The following FREM2 variants were observed in gnomAD, a reference collection of about 807,000 sequenced individuals.
FREM2 encodes the protein FRAS1-related extracellular matrix protein 2.
Under a neutral mutation model 219.9 loss-of-function variants are expected in FREM2, and 119 were observed. The observed-to-expected ratio is 0.54, with a 90% CI of 0.47 to 0.63. FREM2 has a LOEUF of 0.63. FREM2 is among the 30% of genes least tolerant of loss of function. The probability of loss-of-function intolerance (pLI) is 0.00; values close to 1 mark genes in which losing one functional copy is unlikely to be tolerated. For synonymous variants in FREM2, 1,562 were observed against 1,522.8 expected (o/e 1.03, Z -0.60); for missense variants, 4,030 against 3,993.6 (o/e 1.01, Z -0.25).
chr13:38,802,592 T>C (rs1184088578), intron 6 of FREM2, among the ~76,000 whole-genome samples: 2 of 152,118 alleles, frequency 1.3e-5, no homozygotes, highest in East Asian at 3.9e-4. Flanking sequence ...TTCCTGGAAG[T>C]ATGTGAAGAT....
intron 8 of FREM2, among the ~76,000 whole-genome samples, chr13:38,849,411 G>A (rs545967833): frequency 7.8e-4 from 118 of 152,214 alleles, no homozygotes; most frequent in Non-Finnish European, 1.2e-3. Flanking sequence ...ACTTTCTGTC[G>A]TCTCCTTCCC....
At chr13:38,734,992 C>A (rs577435023) in intron 2 of FREM2, among the ~76,000 whole-genome samples, 1 of 152,054 alleles carries the variant, frequency 6.6e-6, no homozygotes, top group Non-Finnish European at 1.5e-5. Flanking sequence ...GTGATCCACC[C>A]GCCTTGGCCT....
intron 9 of FREM2, 44 bp from the exon 10 acceptor site, chr13:38,850,900 T>C (rs1229773305): frequency 3.7e-6 from 6 of 1,603,094 alleles, no homozygotes; most frequent in South Asian, 2.2e-5. Context: ...GTTGTAGATA[T>C]ATTCCTATGG....
At chr13:38,828,715 TTAATAA>T (rs67660909) in intron 6 of FREM2, among the ~76,000 whole-genome samples, 16,251 of 151,810 alleles carry the variant, frequency 0.11, 1,588 homozygotes, top group African/African-American at 0.26. Context: ...ACCATGTCTC[TTAATAA>T]TAATAAATTA....
At chr13:38,866,362 G>T (rs1006967136) in intron 16 of FREM2, among the ~76,000 whole-genome samples, 9 of 152,046 alleles carry the variant, frequency 5.9e-5, no homozygotes, top group Non-Finnish European at 7.4e-5. Flanking sequence ...AGCTGGGTGT[G>T]GTGGTGGGCT....
intron 2 of FREM2, among the ~76,000 whole-genome samples, chr13:38,742,279 T>C (rs1872278505): frequency 6.6e-6 from 1 of 152,226 alleles, no homozygotes; most frequent in Non-Finnish European, 1.5e-5. Context: ...TAATGAATAT[T>C]GCTGCTGTAT....
chr13:38,815,671 A>T (rs1000703332), intron 6 of FREM2, among the ~76,000 whole-genome samples: 3 of 152,234 alleles, frequency 2.0e-5, no homozygotes, highest in Admixed American at 6.5e-5. Context: ...GGTACAAAAA[A>T]GCATGGTGCT....
chr13:38,755,275 CT>C (rs1872950900), intron 2 of FREM2, among the ~76,000 whole-genome samples: 1 of 152,104 alleles, frequency 6.6e-6, no homozygotes, highest in African/African-American at 2.4e-5. Context: ...TGCCCAACAT[CT>C]GCACAGCTCT....
At chr13:38,766,955 T>C (rs1367530360) in intron 3 of FREM2, among the ~76,000 whole-genome samples, 1 of 152,232 alleles carries the variant, frequency 6.6e-6, no homozygotes, top group Non-Finnish European at 1.5e-5. Flanking sequence ...CTAATGTTTA[T>C]TGAGTTATTT....
intron 6 of FREM2, among the ~76,000 whole-genome samples, chr13:38,808,603 A>G (rs1442708750): frequency 1.3e-5 from 2 of 151,870 alleles, no homozygotes; most frequent in Non-Finnish European, 2.9e-5. Flanking sequence ...AGGGAGACTA[A>G]TGGGAGAACA....
At chr13:38,719,868 A>G (rs1444483505) in intron 2 of FREM2, among the ~76,000 whole-genome samples, 1 of 152,154 alleles carries the variant, frequency 6.6e-6, no homozygotes, top group Non-Finnish European at 1.5e-5. Context: ...TATGCAAAAC[A>G]CAGGTTCTCC....
At chr13:38,868,429 A>C (rs1878045820) in intron 16 of FREM2, among the ~76,000 whole-genome samples, 1 of 152,246 alleles carries the variant, frequency 6.6e-6, no homozygotes, top group African/African-American at 2.4e-5. Flanking sequence ...AGCAAAGAGA[A>C]TTCAAATAAC....
chr13:38,710,551 C>T (rs1410262178), intron 2 of FREM2, among the ~76,000 whole-genome samples: 1 of 152,170 alleles, frequency 6.6e-6, no homozygotes, highest in South Asian at 2.1e-4. Context: ...ATGTACCACT[C>T]TGTACTGGAA....
chr13:38,844,810 C>T (rs9548496), intron 6 of FREM2, among the ~76,000 whole-genome samples: 18,810 of 152,156 alleles, frequency 0.12, 1,405 homozygotes, highest in Admixed American at 0.21. Flanking sequence ...GTGATAGTTA[C>T]GGAAGCCTTT....
At chr13:38,799,125 T>C (rs1874909957) in intron 6 of FREM2, among the ~76,000 whole-genome samples, 1 of 152,062 alleles carries the variant, frequency 6.6e-6, no homozygotes, top group Non-Finnish European at 1.5e-5. Flanking sequence ...GTTATAAACT[T>C]CCCTCTTAGA....
At chr13:38,735,844 C>A (rs1345726907) in intron 2 of FREM2, among the ~76,000 whole-genome samples, 1 of 152,142 alleles carries the variant, frequency 6.6e-6, no homozygotes, top group Non-Finnish European at 1.5e-5. Context: ...ATCTGAGGAG[C>A]CATCGCCACC....
rs114674141 is a variant in FREM2, at chr13:38,769,711, G to C, written c.5544G>C (p.Glu1848Asp). The change falls in exon 4 of 24, where the codon GAG becomes GAC. Residue 1848 changes from glutamate to aspartate, a missense_variant. Glu to Asp is a conservative substitution (Grantham distance 45, BLOSUM62 2). Transcript: ENST00000280481. Reference sequence around the variant, plus strand: ...GGATCCTGAGTGATGGGGAGCATGAGCAGTCTGAAACCTTTCAGGTGGTAC... The same window carrying C: ...GGATCCTGAGTGATGGGGAGCATGACCAGTCTGAAACCTTTCAGGTGGTAC... ...RVRILSDGEH[E>D]QSETFQVVLS... The C allele has an allele frequency of 3.7e-6, 6 of 1,614,138 alleles. No individual in the cohort carries two copies. Among genetic ancestry groups the C allele is most frequent in the East Asian group, 4.5e-5 (2 of 44,876 alleles).
At chr13:38,874,330 T>A (rs1488984463) in intron 17 of FREM2, 152 bp from the exon 18 acceptor site, 2 of 677,366 alleles carry the variant, frequency 3.0e-6, no homozygotes. Flanking sequence ...ATGAAGATAC[T>A]TCTGCCTCTG....
chr13:38,773,740 A>G (rs1377609253), intron 4 of FREM2, among the ~76,000 whole-genome samples: 5 of 152,072 alleles, frequency 3.3e-5, no homozygotes, highest in African/African-American at 1.2e-4. Context: ...TCTTGCTTTT[A>G]ACATGCGCAT....
Sources: allele counts gnomAD v4.1 joint callset (sites outside exome capture counted in the v4.1 genomes callset), GRCh38; gene constraint gnomAD v4.1.1; transcripts MANE v1.5; gene names NCBI Gene and HGNC (gene_info 2026-07-23, HGNC 2026-07-21).